The following SUGCT variants were observed in gnomAD, a reference collection of about 807,000 sequenced individuals.
SUGCT encodes succinyl-CoA:glutarate CoA-transferase.
SUGCT carries 41 observed loss-of-function variants against 55.0 expected under a neutral mutation model. That is an observed-to-expected ratio of 0.74 (90% CI 0.58 to 0.97). SUGCT has a LOEUF of 0.97. SUGCT is among the 50% of genes least tolerant of loss of function. The probability of loss-of-function intolerance (pLI) is 0.00; values close to 1 mark genes in which losing one functional copy is unlikely to be tolerated. For missense variants in SUGCT, 568 were observed against 547.8 expected (o/e 1.04, Z -0.37); for synonymous variants, 187 against 200.4 (o/e 0.93, Z 0.56).
At chr7:40,251,304 A>T (rs1790383821) in intron 7 of SUGCT, among the ~76,000 whole-genome samples, 2 of 152,296 alleles carry the variant, frequency 1.3e-5, no homozygotes, top group African/African-American at 2.4e-5. Context: ...TTATATGTAA[A>T]TACTTTTACT....
chr7:40,660,588 T>TTGC (rs1278102927), intron 12 of SUGCT, among the ~76,000 whole-genome samples: 2 of 152,172 alleles, frequency 1.3e-5, no homozygotes, highest in African/African-American at 4.8e-5. Flanking sequence ...TGGCCTGAAC[T>TTGC]TGCACTCATC....
chr7:41,001,646 A>G, the SUGCT span, among the ~76,000 whole-genome samples: 1 of 152,140 alleles, frequency 6.6e-6, no homozygotes, highest in Non-Finnish European at 1.5e-5. Context: ...TTTCTTTTGT[A>G]TCTTCAACTG....
At chr7:40,585,392 A>G (rs1331157518) in intron 12 of SUGCT, among the ~76,000 whole-genome samples, 1 of 152,140 alleles carries the variant, frequency 6.6e-6, no homozygotes, top group Non-Finnish European at 1.5e-5. Flanking sequence ...TGAAAACACA[A>G]TTATTTTCTC....
intron 12 of SUGCT, among the ~76,000 whole-genome samples, chr7:40,562,906 T>C (rs1795920022): frequency 6.6e-6 from 1 of 152,204 alleles, no homozygotes; most frequent in Non-Finnish European, 1.5e-5. Context: ...AATTTGAGGT[T>C]ACAGTGAAAC....
intron 1 of SUGCT, among the ~76,000 whole-genome samples, chr7:40,155,140 C>T (rs1391348227): frequency 2.0e-5 from 3 of 152,188 alleles, no homozygotes; most frequent in South Asian, 2.1e-4. Context: ...AAAAAATTAG[C>T]TGGGTGTAGT....
intron 11 of SUGCT, among the ~76,000 whole-genome samples, chr7:40,467,407 A>G (rs1240557976): frequency 6.6e-6 from 1 of 152,104 alleles, no homozygotes; most frequent in Non-Finnish European, 1.5e-5. Flanking sequence ...TAATGGGGGT[A>G]TCCATCAGCC....
intron 12 of SUGCT, among the ~76,000 whole-genome samples, chr7:40,551,595 T>A (rs1795301234): frequency 6.6e-6 from 1 of 152,118 alleles, no homozygotes; most frequent in Admixed American, 6.5e-5. Context: ...CATCATTCAC[T>A]CCACATACAC....
chr7:40,601,850 CTAAGATCTAACCCTTCAAA>C (rs1281899266), intron 12 of SUGCT, among the ~76,000 whole-genome samples: 5 of 151,672 alleles, frequency 3.3e-5, no homozygotes, highest in Non-Finnish European at 7.4e-5. Context: ...CACCCTTTTT[CTAAGATCTAACCCTTCAAA>C]TAAGATCTAA....
At chr7:40,151,347 G>A (rs1160764631) in intron 1 of SUGCT, among the ~76,000 whole-genome samples, 3 of 152,242 alleles carry the variant, frequency 2.0e-5, no homozygotes, top group Non-Finnish European at 4.4e-5. Context: ...CTGAGCACAT[G>A]AGGCCAGTGG....
chr7:40,249,010 G>T (rs543395956), intron 7 of SUGCT, among the ~76,000 whole-genome samples: 65 of 151,918 alleles, frequency 4.3e-4, no homozygotes, highest in African/African-American at 1.5e-3. Flanking sequence ...TGTTCCCTGG[G>T]CTGGATGTGG....
the SUGCT span, among the ~76,000 whole-genome samples, chr7:41,026,203 C>A: frequency 6.6e-6 from 1 of 152,222 alleles, no homozygotes; most frequent in South Asian, 2.1e-4. Flanking sequence ...TCATTTTGCA[C>A]TGGGCCTCCC....
the SUGCT span, among the ~76,000 whole-genome samples, chr7:41,033,307 C>G: frequency 6.6e-6 from 1 of 152,200 alleles, no homozygotes; most frequent in African/African-American, 2.4e-5. Flanking sequence ...GGACTCACTT[C>G]CACTACCTGC....
At chr7:40,534,662 A>G (rs1040714011) in intron 12 of SUGCT, among the ~76,000 whole-genome samples, 2 of 152,078 alleles carry the variant, frequency 1.3e-5, no homozygotes, top group Non-Finnish European at 2.9e-5. Flanking sequence ...TAGGTGATCC[A>G]CCCACCTAGG....
chr7:40,833,621 C>T (rs148869825), intron 13 of SUGCT, among the ~76,000 whole-genome samples: 24 of 152,304 alleles, frequency 1.6e-4, no homozygotes, highest in African/African-American at 5.3e-4. Flanking sequence ...TCTCTAGAAC[C>T]ATTCCTTTCA....
chr7:40,479,825 A>G (rs2151485900), intron 11 of SUGCT, among the ~76,000 whole-genome samples: 1 of 152,234 alleles, frequency 6.6e-6, no homozygotes, highest in Admixed American at 6.5e-5. Flanking sequence ...TTCTTTTATG[A>G]AATGCCTATT....
intron 12 of SUGCT, among the ~76,000 whole-genome samples, chr7:40,585,547 A>AT (rs565930403): frequency 2.0e-3 from 308 of 152,150 alleles, no homozygotes; most frequent in Admixed American, 3.5e-3. Context: ...CAATTACTTT[A>AT]TTTTTTGTAG....
the SUGCT span, among the ~76,000 whole-genome samples, chr7:40,981,519 T>C: frequency 6.6e-6 from 1 of 152,232 alleles, no homozygotes; most frequent in Admixed American, 6.5e-5. Context: ...ACATTTCTTT[T>C]TGCAATATGG....
intron 9 of SUGCT, among the ~76,000 whole-genome samples, chr7:40,394,810 A>C (rs886347089): frequency 1.3e-5 from 2 of 152,188 alleles, no homozygotes; most frequent in Non-Finnish European, 2.9e-5. Context: ...TGCCTGGCTT[A>C]TTTTAATTAA....
chr7:40,470,844 T>C (rs1413523914), intron 11 of SUGCT, among the ~76,000 whole-genome samples: 1 of 152,156 alleles, frequency 6.6e-6, no homozygotes, highest in Non-Finnish European at 1.5e-5. Context: ...TCTAAATTTA[T>C]AAATTTACAT....
Sources: allele counts gnomAD v4.1 joint callset (sites outside exome capture counted in the v4.1 genomes callset), GRCh38; gene constraint gnomAD v4.1.1; transcripts MANE v1.5; gene names NCBI Gene and HGNC (gene_info 2026-07-23, HGNC 2026-07-21).